TET1: variants seen among roughly 807,000 people sequenced by gnomAD.
The protein encoded by TET1 is methylcytosine dioxygenase TET1.
A neutral mutation model predicts 148.7 loss-of-function variants in TET1; 13 were observed. The ratio of observed to expected loss-of-function variants is 0.09; its 90% CI spans 0.06 to 0.14. TET1 has a LOEUF of 0.14. TET1 is among the 10% of genes least tolerant of loss of function. TET1 has a pLI of 1.00. For synonymous variants in TET1, 907 were observed against 937.2 expected (o/e 0.97, Z 0.59); for missense variants, 2,182 against 2,553.8 (o/e 0.85, Z 3.14).
chr10:68,593,625 T>C (rs1303847878), intron 2 of TET1, among the ~76,000 whole-genome samples: 1 of 150,950 alleles, frequency 6.6e-6, no homozygotes, highest in Admixed American at 6.6e-5. Flanking sequence ...ATTATTATTA[T>C]TTTCAGACAG....
At chr10:68,630,472 G>A (rs918611992) in intron 3 of TET1, among the ~76,000 whole-genome samples, 3 of 152,066 alleles carry the variant, frequency 2.0e-5, no homozygotes, top group South Asian at 2.1e-4. Flanking sequence ...CTGCCACCAC[G>A]CCCAGCTCAT....
intron 3 of TET1, among the ~76,000 whole-genome samples, chr10:68,617,278 C>T (rs2054307382): frequency 6.6e-6 from 1 of 151,612 alleles, no homozygotes; most frequent in Admixed American, 6.6e-5. Context: ...CCCACCTCGG[C>T]CTCCCAAAGT....
In TET1 at chr10:68,568,648, G is replaced by A. The variant is rs1177062914; in HGVS notation, c.-122-3569G>A. Among the ~76,000 whole-genome samples the A allele has an allele frequency of 5.9e-5, 9 of 152,088 alleles. No individual in the cohort carries two copies. The South Asian group carries it at 8.3e-4, about 14-fold the overall frequency. Reference sequence around the variant, plus strand: ...CTGGGTAGGCAATCTGAAAAGACCCGGGTCAAAACCCAGAGTCAAGTGGTG... The same window carrying A: ...CTGGGTAGGCAATCTGAAAAGACCCAGGTCAAAACCCAGAGTCAAGTGGTG... On this transcript the variant is annotated intron_variant, in intron 1 of 11. Coordinates refer to ENST00000373644, the MANE Select transcript of TET1 (RefSeq NM_030625.3).
At chr10:68,629,447 A>G (rs867144329) in intron 3 of TET1, among the ~76,000 whole-genome samples, 21 of 152,138 alleles carry the variant, frequency 1.4e-4, no homozygotes, top group South Asian at 1.0e-3. Context: ...AAATATATCT[A>G]TGAAATATAA....
chr10:68,573,239 A>C lies in TET1; in HGVS notation c.901A>C (p.Ser301Arg). ...KSEHDCYPTSSLNKVIPDLNL... is the reference protein window; with the variant it reads ...KSEHDCYPTSRLNKVIPDLNL... ...TGAACATGATTGCTACCCCACCTCCAGTCTTAATAAGGTTATACCTGACTT... is the reference window on the plus strand; with the variant it reads ...TGAACATGATTGCTACCCCACCTCCCGTCTTAATAAGGTTATACCTGACTT... Residue 301 changes from serine to arginine, a missense_variant, in exon 2 of 12, where the codon AGT becomes CGT. Physicochemically the swap from Ser to Arg is moderately radical, Grantham distance 110. Transcript: ENST00000373644. 1 of 1,613,870 alleles carries C rather than the reference A, an allele frequency of 6.2e-7. No homozygotes were observed. The highest frequency in any genetic ancestry group is 8.5e-7 in the Non-Finnish European group (1 of 1,179,976).
At chr10:68,661,871 A>ATT (rs60806125) in intron 6 of TET1, among the ~76,000 whole-genome samples, 6 of 121,540 alleles carry the variant, frequency 4.9e-5, no homozygotes, top group Non-Finnish European at 6.5e-5. Flanking sequence ...TTTAAAAAAA[A>ATT]TTTTTTTTCT....
chr10:68,670,927 A>G (rs1014290054), intron 7 of TET1, among the ~76,000 whole-genome samples: 2 of 152,048 alleles, frequency 1.3e-5, no homozygotes, highest in South Asian at 4.1e-4. Context: ...TATTTTAATC[A>G]TTATATAAGT....
intron 3 of TET1, among the ~76,000 whole-genome samples, chr10:68,607,077 C>T (rs1020466071): frequency 3.7e-4 from 56 of 151,662 alleles, no homozygotes; most frequent in African/African-American, 1.3e-3. Flanking sequence ...CATGTCCATT[C>T]TGTGATTTCT....
At chr10:68,681,544 T>C in intron 9 of TET1, 56 bp downstream of exon 9, 1 of 1,255,628 alleles carries the variant, frequency 8.0e-7, no homozygotes, top group South Asian at 1.3e-5. Flanking sequence ...GGGTCTTGCT[T>C]TGTTGCCCAG....
At chr10:68,568,661 G>C (rs564007203) in intron 1 of TET1, among the ~76,000 whole-genome samples, 1 of 152,300 alleles carries the variant, frequency 6.6e-6, no homozygotes, top group East Asian at 1.9e-4. Context: ...TCAAAACCCA[G>C]AGTCAAGTGG....
chr10:68,685,134 A>G (rs951281487), intron 10 of TET1, among the ~76,000 whole-genome samples: 12 of 152,090 alleles, frequency 7.9e-5, no homozygotes, highest in Non-Finnish European at 4.4e-5. Context: ...ACACAACTGT[A>G]CTCCCAGCTA....
rs1388513943 is a variant in TET1 at position 68,644,845 on chromosome 10, G to A, written c.2116G>A (p.Glu706Lys). 3.1e-6 allele frequency: 5 copies of A among 1,613,790 alleles called. No homozygotes were observed. The South Asian group carries it at 3.3e-5, about 11-fold the overall frequency. The change falls in exon 4 of 12, where the codon GAG becomes AAG. Residue 706 changes from glutamate to lysine, a missense_variant. By Grantham distance (56) the Glu-to-Lys change is moderately conservative (BLOSUM62 1). Around this residue, in one of 11 missense-constraint regions of TET1, gnomAD observed 226 missense variants for 307.4 expected, o/e 0.74. Transcript: ENST00000373644. ...AAATGAAGACAGCATGACAGGCATCGAGGTGGAGAAGTGGACACAAAACAA... is the reference window on the plus strand; with the variant it reads ...AAATGAAGACAGCATGACAGGCATCAAGGTGGAGAAGTGGACACAAAACAA... ...TKNEDSMTGI[E>K]VEKWTQNKKS...
At chr10:68,601,454 A>G (rs1231011870) in intron 3 of TET1, among the ~76,000 whole-genome samples, 1 of 152,242 alleles carries the variant, frequency 6.6e-6, no homozygotes, top group Non-Finnish European at 1.5e-5. Context: ...AAAATGTATG[A>G]TTCTTTTCCA....
rs201404740 is a variant in TET1, at chr10:68,690,792, T to C, written c.5405-16T>C. 1.4e-4 allele frequency: 210 copies of C among 1,554,692 alleles called. No individual in the cohort carries two copies. Among genetic ancestry groups the C allele is most frequent in the Non-Finnish European group, 1.8e-4 (203 of 1,149,584 alleles). ...AGTAATTTGTATTTTTCTTCACATT[T>C]GGTGTCCTTGTTTAGGGAGTAACAC... On this transcript the variant is annotated splice_polypyrimidine_tract_variant and intron_variant, in intron 11 of 11. Transcript: ENST00000373644.
chr10:68,601,316 T>G (rs549659184), intron 3 of TET1, among the ~76,000 whole-genome samples: 1 of 152,342 alleles, frequency 6.6e-6, no homozygotes, highest in African/African-American at 2.4e-5. Context: ...ATAGCTCCCT[T>G]TGTAGCATCT....
chr10:68,616,370 T>TA lies in TET1; in HGVS notation c.1968+15337dup, dbSNP rs1325571037. 4.7e-5 allele frequency among the ~76,000 whole-genome samples: 7 copies of TA among 150,396 alleles called. No homozygotes were observed. The East Asian group carries it at 1.3e-3, about 29-fold the overall frequency. ...CATTTGCTGATGATTACATTCAAGT[T>TA]ATGCATTTTCACAAGAGTATCACAG... On this transcript the variant is annotated intron_variant, in intron 3 of 11. Transcript: ENST00000373644.
chr10:68,633,405 C>T (rs1457922088), intron 3 of TET1, among the ~76,000 whole-genome samples: 1 of 150,836 alleles, frequency 6.6e-6, no homozygotes, highest in African/African-American at 2.4e-5. Flanking sequence ...TTTTGAGAGA[C>T]AGTCTTCCTC....
intron 2 of TET1, among the ~76,000 whole-genome samples, chr10:68,595,943 T>TACACAC (rs2053975951): frequency 2.6e-5 from 1 of 39,052 alleles, no homozygotes; most frequent in Non-Finnish European, 4.9e-5. Flanking sequence ...TATATATATA[T>TACACAC]ATATATATAT....
intron 3 of TET1, among the ~76,000 whole-genome samples, chr10:68,611,274 G>C (rs1320880675): frequency 6.6e-6 from 1 of 151,466 alleles, no homozygotes; most frequent in Non-Finnish European, 1.5e-5. Context: ...CTGGGCAACA[G>C]AGCGAGACTC....
Sources: allele counts gnomAD v4.1 joint callset (sites outside exome capture counted in the v4.1 genomes callset), GRCh38; gene constraint gnomAD v4.1.1; regional missense constraint gnomAD v4.1.1; transcripts MANE v1.5; gene names NCBI Gene and HGNC (gene_info 2026-07-23, HGNC 2026-07-21).